The following CTNNB1 variants were observed in gnomAD, a reference collection of about 807,000 sequenced individuals.
CTNNB1 encodes the protein catenin beta-1.
CTNNB1 carries 6 observed loss-of-function variants against 82.5 expected under a neutral mutation model. The observed-to-expected ratio is 0.07, with a 90% CI of 0.04 to 0.14. The LOEUF (loss-of-function observed/expected upper bound fraction) is 0.14, where lower values mean the gene tolerates loss of function less well. Ranked by LOEUF, CTNNB1 falls within the 10% of genes least tolerant of loss-of-function variation. The pLI, the probability that CTNNB1 is intolerant of heterozygous loss-of-function variation, is 1.00. For missense variants in CTNNB1, 529 were observed against 980.4 expected (o/e 0.54, Z 6.15); for synonymous variants, 312 against 329.7 (o/e 0.95, Z 0.58).
chr3:41,238,750 G>A (rs992946467), intron 14 of CTNNB1, among the ~76,000 whole-genome samples: 2 of 152,244 alleles, frequency 1.3e-5, no homozygotes, highest in East Asian at 3.9e-4. Flanking sequence ...CCTCATTATT[G>A]TCTTAATCCT....
chr3:41,223,934 A>G, intron 1 of CTNNB1, 87 bp from the exon 2 acceptor site: 1 of 969,318 alleles, frequency 1.0e-6, no homozygotes, highest in Admixed American at 1.8e-5. Context: ...TGGGTGTAAT[A>G]GTGACATTTA....
At chr3:41,233,037 T>G (rs1403603005) in intron 7 of CTNNB1, among the ~76,000 whole-genome samples, 1 of 152,138 alleles carries the variant, frequency 6.6e-6, no homozygotes, top group Non-Finnish European at 1.5e-5. Flanking sequence ...TTGAAATGAT[T>G]GAATGGATGA....
chr3:41,218,204 G>T (rs1296877420), intron 1 of CTNNB1, among the ~76,000 whole-genome samples: 2 of 152,054 alleles, frequency 1.3e-5, no homozygotes, highest in Admixed American at 6.5e-5. Context: ...TTTTAATCAA[G>T]TAATCCACTA....
chr3:41,199,975 GGGGGT>G (rs1251679546), intron 1 of CTNNB1: 1 of 145,830 alleles, frequency 6.9e-6, no homozygotes, highest in African/African-American at 2.5e-5. Context: ...GGGTGGGGGT[GGGGGT>G]CTGTGGTTTC....
intron 7 of CTNNB1, among the ~76,000 whole-genome samples, chr3:41,228,073 AG>A (rs1253140782): frequency 7.5e-4 from 114 of 152,322 alleles, no homozygotes; most frequent in African/African-American, 2.6e-3. Flanking sequence ...ATGGCTGCTT[AG>A]TATTCCATAG....
intron 1 of CTNNB1, among the ~76,000 whole-genome samples, chr3:41,201,419 G>A (rs890466525): frequency 1.3e-5 from 2 of 152,002 alleles, no homozygotes; most frequent in South Asian, 4.2e-4. Flanking sequence ...GTTAATTTGC[G>A]CCCAATATTC....
chr3:41,204,727 A>G (rs959120173), intron 1 of CTNNB1, among the ~76,000 whole-genome samples: 2 of 152,248 alleles, frequency 1.3e-5, no homozygotes, highest in African/African-American at 2.4e-5. Context: ...AAGATGCTGT[A>G]TTCAGCACAA....
At chr3:41,234,543 GT>G in intron 10 of CTNNB1, 1 of 516,608 alleles carries the variant, frequency 1.9e-6, no homozygotes, top group Non-Finnish European at 3.5e-6. Context: ...TGGGTTAGGT[GT>G]TTCATAAAGT....
rs767572148 is a variant in CTNNB1, at chr3:41,239,523, G to C, written c.*181G>C. Reference sequence around the variant, plus strand: ...GTCTTGGAACATTGGAATGTTCTCAGATTTCTGGTTGTTATGTGATCATGT... The same window carrying C: ...GTCTTGGAACATTGGAATGTTCTCACATTTCTGGTTGTTATGTGATCATGT... On this transcript the variant is annotated 3_prime_UTR_variant, in exon 15 of 15. Coordinates refer to ENST00000349496, the MANE Select transcript of CTNNB1 (RefSeq NM_001904.4). The C allele has an allele frequency of 3.2e-6, 2 of 633,110 alleles. No individual in the cohort carries two copies. Among genetic ancestry groups the C allele is most frequent in the Non-Finnish European group, 2.8e-6 (1 of 357,900 alleles). 39.2% of individuals were successfully genotyped at this position (633,110 alleles called of 1,614,324 possible).
At chr3:41,235,878 C>T (rs1160058891) in intron 11 of CTNNB1, 35 bp downstream of exon 11, 1 of 1,611,942 alleles carries the variant, frequency 6.2e-7, no homozygotes, top group African/African-American at 1.3e-5. Context: ...GGTTTTATGT[C>T]CATAAAATTT....
intron 1 of CTNNB1, chr3:41,221,307 ATAG>A (rs1252095926): frequency 6.6e-6 from 1 of 151,644 alleles, no homozygotes; most frequent in African/African-American, 2.4e-5. Context: ...GCGTGTTACT[ATAG>A]GCAGTTGAAA....
At chr3:41,238,764 TC>T (rs1393197455) in intron 14 of CTNNB1, among the ~76,000 whole-genome samples, 1 of 152,168 alleles carries the variant, frequency 6.6e-6, no homozygotes, top group Non-Finnish European at 1.5e-5. Flanking sequence ...TAATCCTCCT[TC>T]CCATGACTTC....
intron 1 of CTNNB1, among the ~76,000 whole-genome samples, chr3:41,214,547 A>T (rs2077871028): frequency 6.6e-6 from 1 of 152,136 alleles, no homozygotes; most frequent in African/African-American, 2.4e-5. Flanking sequence ...TGTTTTGAAG[A>T]TACTTACGGG....
chr3:41,216,139 G>C (rs1022593966), intron 1 of CTNNB1, among the ~76,000 whole-genome samples: 1 of 152,188 alleles, frequency 6.6e-6, no homozygotes, highest in African/African-American at 2.4e-5. Context: ...CTGCTAATCA[G>C]TTTTCTTGTG....
rs2125622489 is a variant in CTNNB1, at chr3:41,225,392, G to C, written c.554G>C (p.Arg185Thr). Residue 185 changes from arginine to threonine, a missense_variant, in exon 5 of 15, where the codon AGA (arginine) becomes ACA (threonine). Physicochemically the swap from Arg to Thr is moderately conservative, Grantham distance 71 (BLOSUM62 -1). Around this residue, in one of 4 missense-constraint regions of CTNNB1, gnomAD observed 411 missense variants for 776.4 expected, o/e 0.53. Coordinates refer to ENST00000349496, the MANE Select transcript of CTNNB1 (RefSeq NM_001904.4). The surrounding 1 kb of genome is among the most constrained non-coding windows in gnomAD (Gnocchi z 5.3). ...CAGCTTTCTAAAAAGGAAGCTTCCA[G>C]ACACGCTATCATGCGTTCTCCTCAG... ...VHQLSKKEASRHAIMRSPQMV... is the reference protein window; with the variant it reads ...VHQLSKKEASTHAIMRSPQMV... The C allele has an allele frequency of 6.2e-7, 1 of 1,613,968 alleles. No homozygotes were observed. Among genetic ancestry groups the C allele is most frequent in the Non-Finnish European group, 8.5e-7 (1 of 1,179,982 alleles).
chr3:41,228,941 G>A (rs1202030562), intron 7 of CTNNB1, among the ~76,000 whole-genome samples: 1 of 152,122 alleles, frequency 6.6e-6, no homozygotes, highest in East Asian at 1.9e-4. Context: ...TCTTGGATGT[G>A]GCTAGCCAGT....
At chr3:41,229,207 T>G (rs892761059) in intron 7 of CTNNB1, among the ~76,000 whole-genome samples, 1 of 152,226 alleles carries the variant, frequency 6.6e-6, no homozygotes, top group Non-Finnish European at 1.5e-5. Context: ...TGGGTTCATA[T>G]GAATTTTTAA....
In CTNNB1 at chr3:41,233,341, G is replaced by T. The variant is rs1443251066; in HGVS notation, c.1082G>T (p.Gly361Val). ...SSNKPAIVEAGGMQALGLHLT... is the reference protein window; with the variant it reads ...SSNKPAIVEAVGMQALGLHLT... ...CCTTATATCCTTTTTAATTTTCTAG[G>T]TGGAATGCAAGCTTTAGGACTTCAC... Residue 361 changes from glycine to valine, a missense_variant and splice_region_variant, in exon 8 of 15, where the codon GGT (glycine) becomes GTT (valine). By Grantham distance (109) the Gly-to-Val change is moderately radical. Around this residue, in one of 4 missense-constraint regions of CTNNB1, gnomAD observed 411 missense variants for 776.4 expected, o/e 0.53. Transcript: ENST00000349496. 1.2e-5 allele frequency: 19 copies of T among 1,613,976 alleles called. No individual in the cohort carries two copies. The South Asian group carries it at 2.0e-4, about 17-fold the overall frequency.
At chr3:41,214,265 A>G (rs2077865044) in intron 1 of CTNNB1, among the ~76,000 whole-genome samples, 1 of 152,152 alleles carries the variant, frequency 6.6e-6, no homozygotes, top group Non-Finnish European at 1.5e-5. Context: ...CCCCTCTGAT[A>G]GAGAACCTCT....
Sources: allele counts gnomAD v4.1 joint callset (sites outside exome capture counted in the v4.1 genomes callset), GRCh38; gene constraint gnomAD v4.1.1; regional missense constraint gnomAD v4.1.1; non-coding constraint Gnocchi (gnomAD v3.1); transcripts MANE v1.5; gene names NCBI Gene and HGNC (gene_info 2026-07-23, HGNC 2026-07-21).